Variants in CFAP77 observed in about 807,000 individuals in gnomAD.
CFAP77 encodes cilia- and flagella-associated protein 77.
CFAP77 carries 25 observed loss-of-function variants against 31.1 expected under a neutral mutation model. That is an observed-to-expected ratio of 0.80 (90% CI 0.59 to 1.12). The LOEUF (loss-of-function observed/expected upper bound fraction) is 1.12, where lower values mean the gene tolerates loss of function less well. Among genes scored for constraint, CFAP77 ranks in the 50% most tolerant of loss-of-function variants. The pLI, the probability that CFAP77 is intolerant of heterozygous loss-of-function variation, is 0.00. For synonymous variants in CFAP77, 151 were observed against 159.9 expected (o/e 0.94, Z 0.42); for missense variants, 377 against 397.3 (o/e 0.95, Z 0.44).
intron 4 of CFAP77, among the ~76,000 whole-genome samples, chr9:132,542,623 G>A (rs1289215503): frequency 1.3e-5 from 2 of 152,222 alleles, no homozygotes; most frequent in East Asian, 3.9e-4. Context: ...GAGCCACGGA[G>A]GACAAGTTCA....
At chr9:132,506,931 C>T (rs1204387863) in intron 3 of CFAP77, among the ~76,000 whole-genome samples, 2 of 152,126 alleles carry the variant, frequency 1.3e-5, no homozygotes, top group African/African-American at 2.4e-5. Flanking sequence ...GATCTGCCTC[C>T]CTAACACAGG....
intron 3 of CFAP77, among the ~76,000 whole-genome samples, chr9:132,535,608 G>A (rs1368986253): frequency 6.6e-6 from 1 of 152,134 alleles, no homozygotes; most frequent in Non-Finnish European, 1.5e-5. Context: ...AGCTGCTCAG[G>A]AGGCTGAGGT....
intron 1 of CFAP77, among the ~76,000 whole-genome samples, chr9:132,450,942 A>C (rs776704611): frequency 6.6e-6 from 1 of 152,184 alleles, no homozygotes; most frequent in Non-Finnish European, 1.5e-5. Flanking sequence ...ATGGAAGATG[A>C]GGAAGAGAAG....
intron 1 of CFAP77, among the ~76,000 whole-genome samples, chr9:132,458,347 G>A (rs1178321662): frequency 8.0e-6 from 1 of 124,766 alleles, no homozygotes; most frequent in South Asian, 2.6e-4. Flanking sequence ...CCTGGCGGGG[G>A]AGGGGGGGGG....
chr9:132,538,406 C>T (rs1852584068), intron 4 of CFAP77, among the ~76,000 whole-genome samples: 1 of 152,232 alleles, frequency 6.6e-6, no homozygotes. Flanking sequence ...GAGTCCCTAG[C>T]AACAAGCAGG....
intron 1 of CFAP77, among the ~76,000 whole-genome samples, chr9:132,447,968 G>A (rs1283812846): frequency 1.3e-5 from 2 of 152,196 alleles, no homozygotes; most frequent in African/African-American, 2.4e-5. Flanking sequence ...GGCTGCCAGG[G>A]GAGGTACCCA....
intron 1 of CFAP77, among the ~76,000 whole-genome samples, chr9:132,449,752 C>T (rs953044113): frequency 2.6e-5 from 4 of 152,144 alleles, no homozygotes; most frequent in African/African-American, 9.7e-5. Flanking sequence ...CAAGGTTCTG[C>T]GATATCATTT....
rs375233277 is a variant in CFAP77, at chr9:132,429,663, C to T, written c.195+19197C>T. Among the ~76,000 whole-genome samples, 282 of 145,524 alleles carry T rather than the reference C, an allele frequency of 1.9e-3. 1 individual carries two copies. Among genetic ancestry groups the T allele is most frequent in the African/African-American group, 6.3e-3 (245 of 39,096 alleles). Reference sequence around the variant, plus strand: ...ATCAAGACCATCCTGGCTAACACGGCGAAACCCCGTCTCTACTAACAAAAT... The same window carrying T: ...ATCAAGACCATCCTGGCTAACACGGTGAAACCCCGTCTCTACTAACAAAAT... On this transcript the variant is annotated intron_variant, in intron 1 of 5. Coordinates refer to ENST00000393216, the MANE Select transcript of CFAP77 (RefSeq NM_001282957.2).
intron 1 of CFAP77, among the ~76,000 whole-genome samples, chr9:132,486,484 C>T (rs951892532): frequency 5.3e-5 from 8 of 152,162 alleles, no homozygotes; most frequent in Non-Finnish European, 1.0e-4. Flanking sequence ...TTCCCCAAGA[C>T]GATGAGCTGC....
In CFAP77 at chr9:132,531,477, T is replaced by C. The variant is rs146803352; in HGVS notation, c.525-6124T>C. ...ACCCGAAGGCAAAGGGGAAGCTGAG[T>C]GTGTGCTGAGCGAGAGAAAGAGGAT... On this transcript the variant is annotated intron_variant, in intron 3 of 5. Coordinates refer to ENST00000393216, the MANE Select transcript of CFAP77 (RefSeq NM_001282957.2). Among the ~76,000 whole-genome samples, 6 of 151,732 alleles carry C rather than the reference T, an allele frequency of 4.0e-5. No homozygotes were observed. The East Asian group carries it at 1.2e-3, about 29-fold the overall frequency.
At position 132,554,055 on chromosome 9, in the gene CFAP77, G is replaced by A. The variant is rs560330747; in HGVS notation, c.732+11008G>A. On this transcript the variant is annotated intron_variant, in intron 5 of 5. Coordinates refer to ENST00000393216, the MANE Select transcript of CFAP77 (RefSeq NM_001282957.2). The surrounding 1 kb of genome is among the most constrained non-coding windows in gnomAD (Gnocchi z 4.1). The stretch of plus-strand genomic sequence containing the variant: ...TGGCAATGACCCCACGGGATGGGTA[G>A]TATGACCCTTACTTTGCAGGTGAGA... Among the ~76,000 whole-genome samples the A allele has an allele frequency of 6.6e-5, 10 of 152,332 alleles. No homozygotes were observed. The highest frequency in any genetic ancestry group is 2.2e-4 in the African/African-American group (9 of 41,582).
chr9:132,435,646 C>T (rs184063130), intron 1 of CFAP77, among the ~76,000 whole-genome samples: 7 of 152,242 alleles, frequency 4.6e-5, no homozygotes, highest in Admixed American at 2.0e-4. Flanking sequence ...TTTGGTAGAC[C>T]GGAGCAGTGT....
chr9:132,503,445 C>T (rs1372597384), intron 3 of CFAP77, among the ~76,000 whole-genome samples: 2 of 152,182 alleles, frequency 1.3e-5, no homozygotes, highest in Non-Finnish European at 2.9e-5. Context: ...ATGCTAGTTC[C>T]AGCTTTGTCC....
In CFAP77 at chr9:132,499,034, C is replaced by G. The variant is rs933985769; in HGVS notation, c.295+240C>G. ...AGCATGGGTATCCCCGCACCGCCCC[C>G]CTTCCCCGCCGCCGGCAGGGACTGT... On this transcript the variant is annotated intron_variant, in intron 2 of 5. Coordinates refer to ENST00000393216, the MANE Select transcript of CFAP77 (RefSeq NM_001282957.2). The surrounding 1 kb of genome is among the most constrained non-coding windows in gnomAD (Gnocchi z 5.4). 5.3e-5 allele frequency among the ~76,000 whole-genome samples: 8 copies of G among 152,114 alleles called. No homozygotes were observed. The highest frequency in any genetic ancestry group is 7.4e-5 in the Non-Finnish European group (5 of 68,022).
intron 3 of CFAP77, among the ~76,000 whole-genome samples, chr9:132,520,080 C>T (rs933908874): frequency 6.7e-6 from 1 of 150,082 alleles, no homozygotes; most frequent in South Asian, 2.2e-4. Context: ...ACCATTCCCC[C>T]TCCCCCAGGT....
At chr9:132,536,096 A>G (rs1411367808) in intron 3 of CFAP77, among the ~76,000 whole-genome samples, 5 of 152,066 alleles carry the variant, frequency 3.3e-5, no homozygotes, top group Admixed American at 2.6e-4. Flanking sequence ...CTAGATATCT[A>G]TCTTATATAT....
chr9:132,512,718 G>A (rs556966063), intron 3 of CFAP77, among the ~76,000 whole-genome samples: 9 of 152,232 alleles, frequency 5.9e-5, no homozygotes, highest in African/African-American at 1.2e-4. Flanking sequence ...AGGCCGAGGC[G>A]GGCAGATCAC....
At chr9:132,467,876 T>G (rs1301880478) in intron 1 of CFAP77, among the ~76,000 whole-genome samples, 2 of 152,084 alleles carry the variant, frequency 1.3e-5, no homozygotes, top group African/African-American at 4.8e-5. Context: ...CTGGGTTTGG[T>G]TTTTTTCTTT....
chr9:132,558,741 G>A (rs1418558063), intron 5 of CFAP77, among the ~76,000 whole-genome samples: 3 of 151,458 alleles, frequency 2.0e-5, no homozygotes, highest in African/African-American at 4.9e-5. Flanking sequence ...GGACGGGTGC[G>A]GTGGCTCACG....
Sources: gnomAD v4.1 joint callset for allele counts (sites outside exome capture counted in the v4.1 genomes callset) on GRCh38, gnomAD v4.1.1 for gene constraint, Gnocchi (gnomAD v3.1) non-coding constraint, MANE v1.5 for transcripts, NCBI Gene and HGNC (gene_info 2026-07-23, HGNC 2026-07-21) for gene names.